Variants in PLCB1 observed in about 807,000 individuals in gnomAD.
PLCB1 encodes phospholipase C beta 1, also known as 1-phosphatidylinositol 4,5-bisphosphate phosphodiesterase beta-1.
In PLCB1, 46 loss-of-function variants were observed where a neutral mutation model predicts 161.8. That is an observed-to-expected ratio of 0.28 (90% CI 0.22 to 0.36). The LOEUF (loss-of-function observed/expected upper bound fraction) is 0.36. PLCB1 is among the 10% of genes least tolerant of loss of function. The pLI is 1.00. For missense variants in PLCB1, 1,016 were observed against 1,472.5 expected (o/e 0.69, Z 5.07); for synonymous variants, 517 against 503.7 (o/e 1.03, Z -0.35).
At chr20:8,366,229 T>C (rs1439151702) in intron 2 of PLCB1, among the ~76,000 whole-genome samples, 1 of 152,202 alleles carries the variant, frequency 6.6e-6, no homozygotes, top group African/African-American at 2.4e-5. Flanking sequence ...GTGGAATTCA[T>C]TATTTCTTTA....
chr20:8,457,714 G>GCGCGCACACACACACA (rs1555808428), intron 3 of PLCB1, among the ~76,000 whole-genome samples: 6 of 145,768 alleles, frequency 4.1e-5, no homozygotes, highest in African/African-American at 1.3e-4. Context: ...ATGTGTGCGC[G>GCGCGCACACACACACA]CACACACACA....
At chr20:8,272,820 T>C (rs1982350487) in intron 2 of PLCB1, among the ~76,000 whole-genome samples, 1 of 152,168 alleles carries the variant, frequency 6.6e-6, no homozygotes, top group South Asian at 2.1e-4. Context: ...AAGTTAAATG[T>C]AATTGCTGAA....
intron 3 of PLCB1, among the ~76,000 whole-genome samples, chr20:8,539,662 TTCTTTCTTTCTTTCTTTC>T (rs1198528158): frequency 3.6e-4 from 34 of 94,266 alleles, no homozygotes; most frequent in Admixed American, 1.0e-3. Flanking sequence ...CTTTCTTTCT[TTCTTTCTTTCTTTCTTTC>T]TTTCTTTTTC....
rs1981949496 is a variant in PLCB1 at position 8,266,203 on chromosome 20, T to C, written c.178-105179T>C. 2.0e-5 allele frequency among the ~76,000 whole-genome samples: 3 copies of C among 152,280 alleles called. No individual in the cohort carries two copies. In the South Asian group the frequency reaches 6.2e-4, roughly 32 times the overall value. On this transcript the variant is annotated intron_variant, in intron 2 of 31. Coordinates refer to ENST00000338037, the MANE Select transcript of PLCB1 (RefSeq NM_015192.4). ...CACTTACTTGTAGTTTCTAGTAATA[T>C]GGTTGCATTGGTTCTACTGATCTGA...
chr20:8,163,501 G>A (rs1457409712), intron 2 of PLCB1, among the ~76,000 whole-genome samples: 2 of 152,192 alleles, frequency 1.3e-5, no homozygotes, highest in Non-Finnish European at 2.9e-5. Flanking sequence ...TTAATTTCTG[G>A]TAAGTCAGAC....
At chr20:8,219,033 C>G (rs968603701) in intron 2 of PLCB1, among the ~76,000 whole-genome samples, 7 of 152,052 alleles carry the variant, frequency 4.6e-5, no homozygotes, top group African/African-American at 1.4e-4. Flanking sequence ...AAGAACATTA[C>G]CAAGAGTTAC....
At chr20:8,308,984 A>T (rs1170483709) in intron 2 of PLCB1, among the ~76,000 whole-genome samples, 9 of 151,282 alleles carry the variant, frequency 5.9e-5, no homozygotes, top group Non-Finnish European at 8.8e-5. Flanking sequence ...TTTTTTTTTT[A>T]AATGTGGACC....
In PLCB1 at chr20:8,144,179, A is replaced by T. The variant is rs905445922; in HGVS notation, c.100-6115A>T. 5.9e-5 allele frequency among the ~76,000 whole-genome samples: 9 copies of T among 152,348 alleles called. 1 individual carries two copies. Among genetic ancestry groups the T allele is most frequent in the Middle Eastern group, 6.8e-3 (2 of 294 alleles). ...GAAAAGATGTTTAACATCATTAGTC[A>T]TTGGAGAAATGCAAATTAAAAAACA... On this transcript the variant is annotated intron_variant, in intron 1 of 31. Coordinates refer to ENST00000338037, the MANE Select transcript of PLCB1 (RefSeq NM_015192.4).
intron 2 of PLCB1, among the ~76,000 whole-genome samples, chr20:8,336,279 T>C (rs1985574704): frequency 6.6e-6 from 1 of 152,226 alleles, no homozygotes. Context: ...TACACCTATA[T>C]ACGTACATGT....
intron 3 of PLCB1, among the ~76,000 whole-genome samples, chr20:8,377,758 G>A (rs1342387418): frequency 6.6e-6 from 1 of 152,176 alleles, no homozygotes. Flanking sequence ...AGATAAGAAG[G>A]AAGGAAGAGC....
At chr20:8,868,039 C>T (rs1987486714) in intron 31 of PLCB1, among the ~76,000 whole-genome samples, 1 of 151,900 alleles carries the variant, frequency 6.6e-6, no homozygotes, top group South Asian at 2.1e-4. Flanking sequence ...TGGTTATAAC[C>T]CAAGAGATTT....
intron 3 of PLCB1, among the ~76,000 whole-genome samples, chr20:8,572,327 G>A (rs992083503): frequency 1.3e-5 from 2 of 152,174 alleles, no homozygotes; most frequent in Admixed American, 6.5e-5. Flanking sequence ...GAAAGAAGGG[G>A]AACTCTGGGT....
intron 10 of PLCB1, among the ~76,000 whole-genome samples, chr20:8,695,517 C>G (rs1990565508): frequency 6.6e-6 from 1 of 152,136 alleles, no homozygotes; most frequent in Non-Finnish European, 1.5e-5. Flanking sequence ...ACCTGGGCAA[C>G]ATAAGGAGAC....
At chr20:8,663,542 T>A (rs58766229) in intron 9 of PLCB1, among the ~76,000 whole-genome samples, 1 of 152,090 alleles carries the variant, frequency 6.6e-6, no homozygotes, top group Non-Finnish European at 1.5e-5. Flanking sequence ...GTAATTAGCA[T>A]GTCAGCCACA....
At chr20:8,162,029 C>T (rs2051630238) in intron 2 of PLCB1, among the ~76,000 whole-genome samples, 1 of 152,110 alleles carries the variant, frequency 6.6e-6, no homozygotes, top group African/African-American at 2.4e-5. Flanking sequence ...TTACACTGTG[C>T]TTAGTAAGGC....
intron 2 of PLCB1, among the ~76,000 whole-genome samples, chr20:8,262,778 T>G (rs1981769090): frequency 6.6e-6 from 1 of 152,188 alleles, no homozygotes; most frequent in South Asian, 2.1e-4. Context: ...TGGTTCCTGG[T>G]GAGGACCTGC....
intron 2 of PLCB1, among the ~76,000 whole-genome samples, chr20:8,202,025 A>G (rs1250302508): frequency 6.6e-6 from 1 of 152,180 alleles, no homozygotes; most frequent in Non-Finnish European, 1.5e-5. Context: ...CTCAGCCAGT[A>G]TATTCAGGAA....
intron 3 of PLCB1, among the ~76,000 whole-genome samples, chr20:8,533,330 G>A (rs1156566197): frequency 6.6e-6 from 1 of 150,682 alleles, no homozygotes; most frequent in Non-Finnish European, 1.5e-5. Context: ...ACATACGTGT[G>A]CATGTGTCTT....
chr20:8,753,474 T>G (rs1203541529), intron 23 of PLCB1, among the ~76,000 whole-genome samples: 7 of 152,126 alleles, frequency 4.6e-5, no homozygotes, highest in Non-Finnish European at 8.8e-5. Context: ...ATCTCCAAAT[T>G]CCTTAGCCCA....
Sources: allele counts gnomAD v4.1 joint callset (sites outside exome capture counted in the v4.1 genomes callset), GRCh38; gene constraint gnomAD v4.1.1; transcripts MANE v1.5; gene names NCBI Gene and HGNC (gene_info 2026-07-23, HGNC 2026-07-21).